XYLB: variants seen among roughly 807,000 people sequenced by gnomAD.
XYLB encodes xylulose kinase.
Under a neutral mutation model 78.7 loss-of-function variants are expected in XYLB, and 62 were observed. That is an observed-to-expected ratio of 0.79 (90% CI 0.64 to 0.97). XYLB has a LOEUF of 0.97. Ranked by LOEUF, XYLB falls within the 50% of genes least tolerant of loss-of-function variation. The pLI, the probability that XYLB is intolerant of heterozygous loss-of-function variation, is 0.00. For synonymous variants in XYLB, 245 were observed against 247.4 expected, an observed-to-expected ratio of 0.99 and a Z score of 0.09; for missense variants, 687 against 676.8, an observed-to-expected ratio of 1.02 and a Z score of -0.17.
intron 4 of XYLB, 97 bp from the exon 5 acceptor site, chr3:38,365,102 C>T: frequency 9.2e-7 from 1 of 1,090,212 alleles, no homozygotes; most frequent in East Asian, 2.4e-5. Context: ...GTGTGGAGCC[C>T]AGTTCTTTGG....
intron 13 of XYLB, 129 bp from the exon 14 acceptor site, chr3:38,376,789 C>T (rs1706878067): frequency 1.6e-5 from 11 of 693,162 alleles, no homozygotes; most frequent in East Asian, 8.1e-5. Context: ...TCACAGGTCT[C>T]ATCTGGGGGA....
Position 38,400,993 on chromosome 3 carries a change from A to C in XYLB, c.1533+8A>C, listed in dbSNP as rs1206457436. ...AGCCCGGGAGCTTCTCAGGTGAGAG[A>C]CCATCGGAATTTGTTTGTAGCATTT... On this transcript the variant is annotated splice_region_variant and intron_variant, in intron 18 of 18. Coordinates refer to ENST00000207870, the MANE Select transcript of XYLB (RefSeq NM_005108.4). 6.2e-7 allele frequency: 1 copy of C among 1,613,698 alleles called. No individual in the cohort carries two copies. The highest frequency in any genetic ancestry group is 8.5e-7 in the Non-Finnish European group (1 of 1,179,620).
chr3:38,359,896 G>A (rs916092249), intron 2 of XYLB, among the ~76,000 whole-genome samples: 10 of 152,076 alleles, frequency 6.6e-5, no homozygotes, highest in Admixed American at 2.6e-4. Context: ...GGTGAGGTGG[G>A]TGGGGAGAGG....
the XYLB span, among the ~76,000 whole-genome samples, chr3:38,427,008 G>C: frequency 6.6e-6 from 1 of 152,230 alleles, no homozygotes; most frequent in African/African-American, 2.4e-5. Context: ...GCCAGAGCCT[G>C]TTTCTCTGCT....
chr3:38,363,098 C>T, intron 4 of XYLB, 81 bp downstream of exon 4: 1 of 1,190,802 alleles, frequency 8.4e-7, no homozygotes, highest in Non-Finnish European at 1.1e-6. Context: ...GATGGCAACC[C>T]TTGGATGGGG....
chr3:38,445,817 G>A, the XYLB span, among the ~76,000 whole-genome samples: 2 of 152,206 alleles, frequency 1.3e-5, no homozygotes, highest in South Asian at 2.1e-4. Context: ...TTAACTGGCT[G>A]ACAGGTGCCT....
At chr3:38,417,629 C>T (rs1004111682), downstream of XYLB, among the ~76,000 whole-genome samples, 3 of 152,120 alleles carry the variant, frequency 2.0e-5, no homozygotes, top group Non-Finnish European at 2.9e-5. Flanking sequence ...TGCCTGTAAT[C>T]GCAGCACTTT....
At chr3:38,430,945 T>A in the XYLB span, among the ~76,000 whole-genome samples, 2 of 152,232 alleles carry the variant, frequency 1.3e-5, no homozygotes, top group Non-Finnish European at 2.9e-5. Context: ...CCATCCTGTT[T>A]TGGCTACTGT....
downstream of XYLB, among the ~76,000 whole-genome samples, chr3:38,417,084 A>G (rs1384200489): frequency 6.6e-6 from 1 of 152,252 alleles, no homozygotes; most frequent in African/African-American, 2.4e-5. Flanking sequence ...TCTGAGTAAC[A>G]GTATCTATAA....
intron 18 of XYLB, among the ~76,000 whole-genome samples, chr3:38,412,120 A>G (rs1296036825): frequency 2.6e-5 from 4 of 151,650 alleles, no homozygotes; most frequent in African/African-American, 9.7e-5. Context: ...CCTCTCGAGT[A>G]GTTGGGATTA....
intron 11 of XYLB, 144 bp downstream of exon 11, chr3:38,374,646 T>A: frequency 1.0e-6 from 1 of 966,782 alleles, no homozygotes; most frequent in Non-Finnish European, 1.6e-6. Flanking sequence ...CTTATCAGAG[T>A]GTCTGCCGGT....
chr3:38,403,253 C>T (rs1323487774), intron 18 of XYLB, among the ~76,000 whole-genome samples: 7 of 148,698 alleles, frequency 4.7e-5, no homozygotes, highest in Non-Finnish European at 1.0e-4. Context: ...AAGATCACAC[C>T]ACTGCACTCC....
At chr3:38,440,295 C>T in the XYLB span, among the ~76,000 whole-genome samples, 1 of 152,226 alleles carries the variant, frequency 6.6e-6, no homozygotes, top group African/African-American at 2.4e-5. Flanking sequence ...ATTAATAAGA[C>T]CTCGTTCAGT....
chr3:38,360,736 G>C (rs1397901136), intron 3 of XYLB, among the ~76,000 whole-genome samples: 1 of 152,212 alleles, frequency 6.6e-6, no homozygotes, highest in African/African-American at 2.4e-5. Context: ...CTTGTACCAT[G>C]AAATATACAA....
intron 3 of XYLB, 89 bp downstream of exon 3, chr3:38,360,497 C>A: frequency 1.7e-6 from 2 of 1,208,566 alleles, no homozygotes; most frequent in Non-Finnish European, 2.3e-6. Flanking sequence ...AAGGTGGCAG[C>A]CAATGAGAGC....
chr3:38,376,344 G>A, intron 13 of XYLB, 112 bp downstream of exon 13: 1 of 734,772 alleles, frequency 1.4e-6, no homozygotes, highest in South Asian at 1.5e-5. Flanking sequence ...AGAAGTCCAG[G>A]GGAGTCCTGT....
rs763006913 is a variant in XYLB at position 38,348,536 on chromosome 3, A to G, written c.58-14A>G. The stretch of plus-strand genomic sequence containing the variant: ...AGGAAAATTCTACACTTCCTTTTTT[A>G]AAATGCCTTTCAGGTAAAGGTTGTT... On this transcript the variant is annotated splice_polypyrimidine_tract_variant and intron_variant, in intron 1 of 18. Coordinates refer to ENST00000207870, the MANE Select transcript of XYLB (RefSeq NM_005108.4). 1.2e-6 allele frequency: 2 copies of G among 1,613,790 alleles called. No homozygotes were observed. Among genetic ancestry groups the G allele is most frequent in the Non-Finnish European group, 8.5e-7 (1 of 1,179,728 alleles).
At position 38,379,229 on chromosome 3, in the gene XYLB, C is replaced by A; in HGVS notation, c.1195-17C>A. 1 of 1,613,778 alleles carries A rather than the reference C, an allele frequency of 6.2e-7. No homozygotes were observed. Among genetic ancestry groups the A allele is most frequent in the Non-Finnish European group, 8.5e-7 (1 of 1,179,752 alleles). On this transcript the variant is annotated splice_polypyrimidine_tract_variant and intron_variant, in intron 14 of 18. Coordinates refer to ENST00000207870, the MANE Select transcript of XYLB (RefSeq NM_005108.4). ...ATGAGAGTTCCTTACTCTGTGCCCA[C>A]CTTTTCCTGGAGACAGGTTGCAGCA...
the XYLB span, among the ~76,000 whole-genome samples, chr3:38,430,558 A>G: frequency 6.6e-6 from 1 of 152,152 alleles, no homozygotes; most frequent in East Asian, 1.9e-4. Flanking sequence ...CTTTAGTTTA[A>G]TTAGATCCCA....
Sources: gnomAD v4.1 joint callset for allele counts (sites outside exome capture counted in the v4.1 genomes callset) on GRCh38, gnomAD v4.1.1 for gene constraint, MANE v1.5 for transcripts, NCBI Gene and HGNC (gene_info 2026-07-23, HGNC 2026-07-21) for gene names.